The following RBFOX1 variants were observed in gnomAD, a reference collection of about 807,000 sequenced individuals.
RBFOX1 encodes the protein RNA binding fox-1 homolog 1.
A neutral mutation model predicts 57.7 loss-of-function variants in RBFOX1; 8 were observed. The observed-to-expected ratio is 0.14, with a 90% confidence interval of 0.08 to 0.25. The LOEUF (loss-of-function observed/expected upper bound fraction) is 0.25, where lower values mean the gene tolerates loss of function less well. Among genes scored for constraint, RBFOX1 ranks in the 10% least tolerant of loss-of-function variants. The pLI is 1.00. For synonymous variants in RBFOX1, 326 were observed against 222.4 expected, an observed-to-expected ratio of 1.47 and a Z score of -4.15; for missense variants, 611 against 548.5, an observed-to-expected ratio of 1.11 and a Z score of -1.14.
chr16:5,890,750 C>G (rs892622846), intron 4 of RBFOX1, among the ~76,000 whole-genome samples: 13 of 147,638 alleles, frequency 8.8e-5, no homozygotes, highest in Non-Finnish European at 1.5e-4. Flanking sequence ...AGCCCTACAT[C>G]TGTCTTATAC....
chr16:6,407,411 G>A (rs1207693783), intron 2 of RBFOX1, among the ~76,000 whole-genome samples: 1 of 151,696 alleles, frequency 6.6e-6, no homozygotes, highest in East Asian at 1.9e-4. Flanking sequence ...GTCTTTGTGT[G>A]TATCTATGCT....
intron 3 of RBFOX1, among the ~76,000 whole-genome samples, chr16:6,866,908 T>C (rs1301984400): frequency 6.6e-6 from 1 of 151,904 alleles, no homozygotes; most frequent in Non-Finnish European, 1.5e-5. Context: ...AGCATCAAGA[T>C]AAGGAAACCA....
chr16:6,677,688 A>G (rs2057974185), intron 3 of RBFOX1, among the ~76,000 whole-genome samples: 1 of 152,234 alleles, frequency 6.6e-6, no homozygotes, highest in African/African-American at 2.4e-5. Context: ...GGCTGTATCC[A>G]TAGACATGTG....
At chr16:7,651,270 C>T (rs1049984536) in intron 11 of RBFOX1, among the ~76,000 whole-genome samples, 11 of 152,100 alleles carry the variant, frequency 7.2e-5, no homozygotes, top group Admixed American at 2.0e-4. Flanking sequence ...TGGTCGGGTT[C>T]GGGGGTTTTA....
chr16:7,184,851 G>A (rs2083406778), intron 4 of RBFOX1, among the ~76,000 whole-genome samples: 1 of 152,166 alleles, frequency 6.6e-6, no homozygotes. Flanking sequence ...GTGTTTGTGT[G>A]TTGAAGTGTT....
chr16:7,073,470 T>C (rs2057736040), intron 4 of RBFOX1, among the ~76,000 whole-genome samples: 2 of 152,052 alleles, frequency 1.3e-5, no homozygotes, highest in South Asian at 2.1e-4. Context: ...AGAAAGACGA[T>C]ATAATTCAGA....
chr16:5,875,744 G>T (rs975477307), intron 4 of RBFOX1, among the ~76,000 whole-genome samples: 2 of 152,058 alleles, frequency 1.3e-5, no homozygotes, highest in African/African-American at 4.8e-5. Context: ...TTGATTAAGG[G>T]TCTCTGGAAA....
chr16:5,981,084 C>G (rs531073764), intron 4 of RBFOX1, among the ~76,000 whole-genome samples: 1 of 152,210 alleles, frequency 6.6e-6, no homozygotes, highest in Non-Finnish European at 1.5e-5. Context: ...GGGTCCTACA[C>G]CTTTGATATC....
chr16:6,603,300 AT>A (rs765385692), intron 2 of RBFOX1, among the ~76,000 whole-genome samples: 6 of 152,126 alleles, frequency 3.9e-5, no homozygotes, highest in Non-Finnish European at 8.8e-5. Flanking sequence ...AGAGCTTCTG[AT>A]TTTTTCAAGA....
chr16:5,312,391 T>C (rs1367668888), intron 1 of RBFOX1, among the ~76,000 whole-genome samples: 1 of 152,224 alleles, frequency 6.6e-6, no homozygotes. Flanking sequence ...CGTTCGTGGC[T>C]CACTGCCACC....
chr16:7,225,696 T>A (rs1029214515), intron 4 of RBFOX1, among the ~76,000 whole-genome samples: 2 of 137,576 alleles, frequency 1.5e-5, no homozygotes, highest in Admixed American at 1.6e-4. Context: ...CCAAATAGAA[T>A]TGGCGTTTGT....
intron 2 of RBFOX1, among the ~76,000 whole-genome samples, chr16:5,498,672 A>C (rs1245703514): frequency 6.6e-6 from 1 of 152,196 alleles, no homozygotes; most frequent in East Asian, 1.9e-4. Context: ...GGGGATAAGC[A>C]TTTGAGAGAT....
intron 4 of RBFOX1, among the ~76,000 whole-genome samples, chr16:7,321,066 T>TATA: frequency 1.9e-5 from 2 of 103,900 alleles, no homozygotes; most frequent in Non-Finnish European, 1.8e-5. Context: ...TATCTATCTG[T>TATA]CTATCTATAC....
rs557605535 is a variant in RBFOX1, at chr16:6,512,276, C to A, written c.-63-142327C>A. Among the ~76,000 whole-genome samples, 51 of 33,854 alleles carry A rather than the reference C, an allele frequency of 1.5e-3. No individual in the cohort carries two copies. The South Asian group carries it at 0.043, about 28-fold the overall frequency. 22.2% of individuals were successfully genotyped at this position (33,854 alleles called of 152,430 possible). On this transcript the variant is annotated intron_variant, in intron 2 of 15. Coordinates refer to ENST00000550418, the MANE Select transcript of RBFOX1 (RefSeq NM_018723.4). ...TCCAGCCTGGGTAACAGAGCAAGAC[C>A]CTGTATCAAAAAAAAAAAAAAAAGG...
intron 2 of RBFOX1, among the ~76,000 whole-genome samples, chr16:6,503,261 A>T (rs1024491587): frequency 1.3e-5 from 2 of 152,150 alleles, no homozygotes; most frequent in Non-Finnish European, 2.9e-5. Flanking sequence ...CCAAATATCT[A>T]TACTTATCTA....
At chr16:5,607,419 C>G (rs2047624567) in intron 3 of RBFOX1, among the ~76,000 whole-genome samples, 1 of 145,858 alleles carries the variant, frequency 6.9e-6, no homozygotes, top group Non-Finnish European at 1.5e-5. Flanking sequence ...TCTGCCATTT[C>G]TCTCTGTTGC....
chr16:6,630,625 C>G (rs1022680158), intron 2 of RBFOX1, among the ~76,000 whole-genome samples: 2 of 152,158 alleles, frequency 1.3e-5, no homozygotes, highest in Non-Finnish European at 2.9e-5. Context: ...GAATCAGAAA[C>G]CCAATTTGGG....
At chr16:6,598,322 GTTATT>G (rs1486085433) in intron 2 of RBFOX1, among the ~76,000 whole-genome samples, 7 of 152,072 alleles carry the variant, frequency 4.6e-5, no homozygotes, top group African/African-American at 1.7e-4. Context: ...AAGACTGCAT[GTTATT>G]TTATATTATG....
At chr16:7,089,149 G>C (rs1421789493) in intron 4 of RBFOX1, among the ~76,000 whole-genome samples, 1 of 152,012 alleles carries the variant, frequency 6.6e-6, no homozygotes, top group Non-Finnish European at 1.5e-5. Context: ...GTTTAGTTTT[G>C]CACAATTTAG....
Sources: allele counts gnomAD v4.1 joint callset (sites outside exome capture counted in the v4.1 genomes callset), GRCh38; gene constraint gnomAD v4.1.1; transcripts MANE v1.5; gene names NCBI Gene and HGNC (gene_info 2026-07-23, HGNC 2026-07-21).